The following KCNQ5 variants were observed in gnomAD, a reference collection of about 807,000 sequenced individuals.
KCNQ5 encodes the protein potassium voltage-gated channel subfamily Q member 5.
A neutral mutation model predicts 98.2 loss-of-function variants in KCNQ5; 30 were observed. That is an observed-to-expected ratio of 0.31 (90% confidence interval 0.23 to 0.41). The LOEUF is 0.41. Among genes scored for constraint, KCNQ5 ranks in the 10% least tolerant of loss-of-function variants. KCNQ5 has a pLI of 1.00. For synonymous variants in KCNQ5, 458 were observed against 449.4 expected (o/e 1.02, Z -0.24); for missense variants, 835 against 1,182.5 (o/e 0.71, Z 4.31).
At chr6:72,871,781 C>A (rs1262606561) in intron 1 of KCNQ5, among the ~76,000 whole-genome samples, 1 of 152,102 alleles carries the variant, frequency 6.6e-6, no homozygotes, top group Non-Finnish European at 1.5e-5. Context: ...CCTCTCCCAC[C>A]TTCTCCCACC....
intron 6 of KCNQ5, among the ~76,000 whole-genome samples, chr6:73,108,973 CAT>C (rs1775117372): frequency 6.6e-6 from 1 of 152,042 alleles, no homozygotes; most frequent in Admixed American, 6.5e-5. Flanking sequence ...GAAGGGATGA[CAT>C]ATATGTTCAA....
chr6:72,998,734 C>A (rs1178560686), intron 1 of KCNQ5, among the ~76,000 whole-genome samples: 7 of 149,746 alleles, frequency 4.7e-5, no homozygotes, highest in African/African-American at 1.7e-4. Context: ...GAGACTCCAT[C>A]TCAAAAAAAA....
intron 1 of KCNQ5, among the ~76,000 whole-genome samples, chr6:72,950,067 A>G (rs1288547182): frequency 6.6e-6 from 1 of 152,190 alleles, no homozygotes; most frequent in Non-Finnish European, 1.5e-5. Context: ...CAGAATTAGT[A>G]TATCACAGAA....
Position 72,832,307 on chromosome 6 carries a change from T to A in KCNQ5, c.399-171601T>A, listed in dbSNP as rs1776310814. Among the ~76,000 whole-genome samples the A allele has an allele frequency of 3.3e-5, 5 of 152,162 alleles. No homozygotes were observed. In the South Asian group the frequency reaches 1.0e-3, roughly 32 times the overall value. On this transcript the variant is annotated intron_variant, in intron 1 of 13. Coordinates refer to ENST00000370398, the MANE Select transcript of KCNQ5 (RefSeq NM_019842.4). ...GAGCAGAATCCTTTTTGTTTTTACC[T>A]AAATTTTAATGATGAGCCCTAGCTT... is the stretch of plus-strand genomic sequence containing the variant.
intron 2 of KCNQ5, among the ~76,000 whole-genome samples, chr6:73,025,442 C>T (rs1188888509): frequency 6.6e-6 from 1 of 151,852 alleles, no homozygotes; most frequent in East Asian, 1.9e-4. Context: ...CCTAACATGG[C>T]GAAACCCCAT....
intron 3 of KCNQ5, among the ~76,000 whole-genome samples, chr6:73,053,884 A>G (rs1772349261): frequency 6.6e-6 from 1 of 152,178 alleles, no homozygotes. Context: ...GCAAAAAAAC[A>G]TACAGAAGAT....
chr6:72,951,145 C>A (rs940101240), intron 1 of KCNQ5, among the ~76,000 whole-genome samples: 3 of 152,130 alleles, frequency 2.0e-5, no homozygotes, highest in South Asian at 4.1e-4. Flanking sequence ...TGGATATTGT[C>A]CCAATGATCA....
chr6:73,197,504 G>A lies in KCNQ5; in HGVS notation c.*2090G>A, dbSNP rs1401271359. On this transcript the variant is annotated 3_prime_UTR_variant, in exon 14 of 14. Coordinates refer to ENST00000370398, the MANE Select transcript of KCNQ5 (RefSeq NM_019842.4). ...TGTTTTCATTTTCAAAATACAGAAT[G>A]TTAGTAAATTATGAAAATCAATTTT... 1 of 151,492 alleles carries A rather than the reference G, an allele frequency of 6.6e-6. No individual in the cohort carries two copies. The highest frequency in any genetic ancestry group is 1.5e-5 in the Non-Finnish European group (1 of 67,918). 9.4% of individuals were successfully genotyped at this position (151,492 alleles called of 1,614,324 possible).
At chr6:72,709,400 A>G (rs1408606333) in intron 1 of KCNQ5, among the ~76,000 whole-genome samples, 1 of 152,202 alleles carries the variant, frequency 6.6e-6, no homozygotes, top group Non-Finnish European at 1.5e-5. Context: ...GAGAGGAAAT[A>G]TTTCTAGAAA....
Position 73,133,869 on chromosome 6 carries a change from G to A in KCNQ5, c.1468+228G>A, listed in dbSNP as rs1322287024. Reference sequence around the variant, plus strand: ...GCAGCTAAATTTACATTCCAAAGAAGCTGACAAAATGTTGTTAATTCTTCA... The same window carrying A: ...GCAGCTAAATTTACATTCCAAAGAAACTGACAAAATGTTGTTAATTCTTCA... On this transcript the variant is annotated intron_variant, in intron 10 of 13. Coordinates refer to ENST00000370398, the MANE Select transcript of KCNQ5 (RefSeq NM_019842.4). 5.9e-6 allele frequency: 4 copies of A among 672,670 alleles called. No individual in the cohort carries two copies. The Admixed American group carries it at 8.3e-5, about 14-fold the overall frequency. The allele number at this position is 672,670 out of a possible 1,614,324, so 41.7% of individuals were successfully genotyped here. A position where few individuals can be genotyped will look rare whatever the true frequency, so the allele number is the denominator to read the frequency against.
chr6:72,675,230 G>A (rs865957388), intron 1 of KCNQ5, among the ~76,000 whole-genome samples: 1 of 152,104 alleles, frequency 6.6e-6, no homozygotes, highest in African/African-American at 2.4e-5. Context: ...AGTATCCAAA[G>A]CTGTCTTGAG....
intron 1 of KCNQ5, among the ~76,000 whole-genome samples, chr6:72,821,665 A>G (rs1467678958): frequency 6.6e-6 from 1 of 151,552 alleles, no homozygotes; most frequent in Non-Finnish European, 1.5e-5. Flanking sequence ...TACTTCTGGT[A>G]ATTTCTGACA....
At chr6:73,128,707 G>C (rs1246312781) in intron 9 of KCNQ5, among the ~76,000 whole-genome samples, 1 of 152,194 alleles carries the variant, frequency 6.6e-6, no homozygotes, top group Non-Finnish European at 1.5e-5. Context: ...TGATACTTAA[G>C]CTTCCTTAAT....
chr6:72,733,430 G>C (rs962533200), intron 1 of KCNQ5, among the ~76,000 whole-genome samples: 1 of 152,202 alleles, frequency 6.6e-6, no homozygotes, highest in African/African-American at 2.4e-5. Flanking sequence ...AGAAAGATAA[G>C]GATGAGGAGT....
intron 1 of KCNQ5, among the ~76,000 whole-genome samples, chr6:72,682,790 C>A (rs1767769885): frequency 6.6e-6 from 1 of 152,138 alleles, no homozygotes; most frequent in Admixed American, 6.5e-5. Flanking sequence ...TCCAATGAGT[C>A]TTTAATTGGT....
intron 1 of KCNQ5, among the ~76,000 whole-genome samples, chr6:72,837,960 T>A (rs965848717): frequency 6.6e-6 from 1 of 152,128 alleles, no homozygotes; most frequent in Admixed American, 6.5e-5. Context: ...CATCCTTTTT[T>A]TTATTATTAT....
chr6:72,701,779 A>G (rs1242677635), intron 1 of KCNQ5, among the ~76,000 whole-genome samples: 1 of 152,146 alleles, frequency 6.6e-6, no homozygotes, highest in African/African-American at 2.4e-5. Context: ...CAATGGTGCG[A>G]TCTCAGCTCA....
intron 1 of KCNQ5, among the ~76,000 whole-genome samples, chr6:72,967,310 G>T (rs976414564): frequency 2.0e-5 from 3 of 151,998 alleles, no homozygotes; most frequent in Non-Finnish European, 4.4e-5. Flanking sequence ...CCCTTCCTAT[G>T]CAATAACTTT....
chr6:73,171,254 C>T (rs1273207491), intron 11 of KCNQ5, among the ~76,000 whole-genome samples: 1 of 152,186 alleles, frequency 6.6e-6, no homozygotes, highest in Non-Finnish European at 1.5e-5. Context: ...CCTCAAGTCA[C>T]AAACCCTATG....
Sources: allele counts gnomAD v4.1 joint callset (sites outside exome capture counted in the v4.1 genomes callset), GRCh38; gene constraint gnomAD v4.1.1; transcripts MANE v1.5; gene names NCBI Gene and HGNC (gene_info 2026-07-23, HGNC 2026-07-21).